The following LCOR variants were observed in gnomAD, a reference collection of about 807,000 sequenced individuals.
LCOR encodes ligand-dependent corepressor.
In LCOR, 14 loss-of-function variants were observed where a neutral mutation model predicts 64.4. The observed-to-expected ratio is 0.22, with a 90% CI of 0.14 to 0.34. LCOR has a LOEUF of 0.34. LCOR is among the 10% of genes least tolerant of loss of function. The pLI is 1.00. For missense variants in LCOR, 1,686 were observed against 1,765.3 expected (o/e 0.96, Z 0.80); for synonymous variants, 643 against 642.5 (o/e 1.00, Z -0.01).
Position 96,983,317 on chromosome 10 carries a change from A to C in LCOR, c.2857A>C (p.Lys953Gln), listed in dbSNP as rs1472584445. ...GERLEIYVQS[K>Q]MDEKNAHIPS... The stretch of plus-strand genomic sequence containing the variant: ...GAGATTGGAAATCTATGTTCAGTCT[A>C]AAATGGATGAGAAGAATGCTCATAT... Residue 953 changes from lysine (K) to glutamine (Q), a missense_variant, in exon 8 of 8, where the codon AAA (lysine) becomes CAA (glutamine). By Grantham distance (53) the Lys-to-Gln change is moderately conservative. Transcript: ENST00000421806. The surrounding 1 kb of genome is among the most constrained non-coding windows in gnomAD (Gnocchi z 4.5). The C allele has an allele frequency of 6.2e-7, 1 of 1,614,258 alleles. No individual in the cohort carries two copies.
chr10:96,890,210 C>G (rs1846416732), intron 2 of LCOR, among the ~76,000 whole-genome samples: 1 of 152,076 alleles, frequency 6.6e-6, no homozygotes, highest in African/African-American at 2.4e-5. Flanking sequence ...TGAAGTGATC[C>G]TCTCACCTCA....
intron 2 of LCOR, among the ~76,000 whole-genome samples, chr10:96,838,365 T>G (rs1845482381): frequency 6.6e-6 from 1 of 152,170 alleles, no homozygotes; most frequent in African/African-American, 2.4e-5. Context: ...CAAGTGATCC[T>G]CCTGCCTCAG....
chr10:96,958,386 A>G (rs1847818834), intron 7 of LCOR: 3 of 1,528,224 alleles, frequency 2.0e-6, no homozygotes, highest in Non-Finnish European at 2.6e-6. Context: ...TTTTACTAAC[A>G]TAAATATTTT....
chr10:96,923,616 A>C (rs1847118032), intron 4 of LCOR, among the ~76,000 whole-genome samples: 1 of 152,230 alleles, frequency 6.6e-6, no homozygotes, highest in Non-Finnish European at 1.5e-5. Flanking sequence ...AGAGCTACAA[A>C]AGAAACTTTC....
chr10:96,917,060 G>A (rs1017687604), intron 4 of LCOR, among the ~76,000 whole-genome samples: 2 of 152,180 alleles, frequency 1.3e-5, no homozygotes, highest in Non-Finnish European at 2.9e-5. Flanking sequence ...GATTATTTAG[G>A]ATTAAAACTG....
At chr10:96,897,833 A>G (rs1031462570) in intron 2 of LCOR, among the ~76,000 whole-genome samples, 1 of 151,362 alleles carries the variant, frequency 6.6e-6, no homozygotes, top group Admixed American at 6.6e-5. Flanking sequence ...CTATAGATAC[A>G]GAGAACTTAG....
At chr10:96,960,632 G>A (rs557145299) in intron 7 of LCOR, 1 of 152,210 alleles carries the variant, frequency 6.6e-6, no homozygotes, top group East Asian at 1.9e-4. Flanking sequence ...ATCAAAGATT[G>A]TTTTCCTTGT....
chr10:96,866,997 A>T (rs533724012), intron 2 of LCOR, among the ~76,000 whole-genome samples: 2 of 151,226 alleles, frequency 1.3e-5, no homozygotes, highest in South Asian at 2.1e-4. Context: ...TATTACTATT[A>T]TTTTTTTTGA....
intron 2 of LCOR, among the ~76,000 whole-genome samples, chr10:96,898,868 T>C (rs895700272): frequency 3.3e-5 from 5 of 152,162 alleles, no homozygotes; most frequent in Non-Finnish European, 7.4e-5. Flanking sequence ...ATTATCAACA[T>C]GAGTGACATT....
chr10:96,955,608 CAAG>C (rs1433600940), intron 7 of LCOR: 2 of 1,614,040 alleles, frequency 1.2e-6, no homozygotes, highest in Admixed American at 1.7e-5. Context: ...CACATCGGAT[CAAG>C]AAGGAGACCC....
intron 7 of LCOR, among the ~76,000 whole-genome samples, chr10:96,971,560 T>G (rs116158900): frequency 0.055 from 8,373 of 151,658 alleles, 777 homozygotes; most frequent in African/African-American, 0.19. Flanking sequence ...ACTGTGAGAG[T>G]AGAGGAGAAA....
intron 7 of LCOR, chr10:96,960,746 T>C (rs928984440): frequency 6.6e-6 from 1 of 152,192 alleles, no homozygotes; most frequent in Non-Finnish European, 1.5e-5. Flanking sequence ...ACTATTAAGC[T>C]ATCTAGGGAT....
chr10:96,956,429 A>T, intron 7 of LCOR: 4 of 985,368 alleles, frequency 4.1e-6, no homozygotes, highest in Non-Finnish European at 4.8e-6. Context: ...TAAACTAAAG[A>T]AAAAACTAAG....
At chr10:96,911,165 T>C (rs1190396707) in intron 4 of LCOR, among the ~76,000 whole-genome samples, 3 of 151,070 alleles carry the variant, frequency 2.0e-5, no homozygotes, top group Non-Finnish European at 4.4e-5. Context: ...TGGTGTCATC[T>C]TGGCTCACTG....
intron 4 of LCOR, among the ~76,000 whole-genome samples, chr10:96,933,564 A>G (rs192487998): frequency 1.1e-4 from 17 of 152,344 alleles, no homozygotes; most frequent in Admixed American, 9.1e-4. Context: ...TCTGTTGCCC[A>G]GGCTGGAGTG....
At chr10:96,915,500 A>C in intron 4 of LCOR, 1 of 424,082 alleles carries the variant, frequency 2.4e-6, no homozygotes, top group South Asian at 2.2e-5. Context: ...CAGCCTGGGG[A>C]GAGAGTGAGA....
intron 4 of LCOR, among the ~76,000 whole-genome samples, chr10:96,913,515 A>G (rs139496280): frequency 1.9e-3 from 286 of 152,328 alleles, no homozygotes; most frequent in Middle Eastern, 3.4e-3. Flanking sequence ...TTCACTAAGG[A>G]TGATGGGAGA....
chr10:96,859,504 G>A (rs191477503), intron 2 of LCOR, among the ~76,000 whole-genome samples: 2 of 151,976 alleles, frequency 1.3e-5, no homozygotes, highest in South Asian at 2.1e-4. Context: ...GAGCCACCGC[G>A]CCCAGCCTAG....
rs146979920 is a variant in LCOR at position 96,955,522 on chromosome 10, G to A, written c.332+3326G>A. ...AGGGCTATTCTTCCAAAACAAAGTA[G>A]AAAAAGCATGTTAGATGCTGGACCC... On this transcript the variant is annotated intron_variant, in intron 7 of 7. Coordinates refer to ENST00000421806, the MANE Select transcript of LCOR (RefSeq NM_001346516.2). 3.0e-4 allele frequency: 482 copies of A among 1,614,040 alleles called. 4 individuals are homozygous for A. Among genetic ancestry groups the A allele is most frequent in the Admixed American group, 2.3e-4 (14 of 60,000 alleles).
Sources: allele counts gnomAD v4.1 joint callset (sites outside exome capture counted in the v4.1 genomes callset), GRCh38; gene constraint gnomAD v4.1.1; non-coding constraint Gnocchi (gnomAD v3.1); transcripts MANE v1.5; gene names NCBI Gene and HGNC (gene_info 2026-07-23, HGNC 2026-07-21).